The following ARMC5 variants were observed in gnomAD, a reference collection of about 807,000 sequenced individuals.
ARMC5 encodes the protein armadillo repeat-containing protein 5.
Under a neutral mutation model 60.5 loss-of-function variants are expected in ARMC5, and 28 were observed. That is an observed-to-expected ratio of 0.46 (90% CI 0.34 to 0.63). The LOEUF (loss-of-function observed/expected upper bound fraction) is 0.63, where lower values mean the gene tolerates loss of function less well. ARMC5 is among the 30% of genes least tolerant of loss of function. The pLI, the probability that ARMC5 is intolerant of heterozygous loss-of-function variation, is 0.01. For missense variants in ARMC5, 1,189 were observed against 1,304.9 expected, an observed-to-expected ratio of 0.91 and a Z score of 1.37; for synonymous variants, 680 against 607.3, an observed-to-expected ratio of 1.12 and a Z score of -1.76.
upstream of ARMC5, chr16:31,459,101 C>A: frequency 6.8e-7 from 1 of 1,480,652 alleles, no homozygotes; most frequent in Non-Finnish European, 8.9e-7. Context: ...GCCGCACCAC[C>A]GCTGGGGGGC....
At position 31,462,660 on chromosome 16, in the gene ARMC5, G is replaced by C. The variant is rs1366166804; in HGVS notation, c.1113G>C (p.Leu371Phe). 6.2e-7 allele frequency: 1 copy of C among 1,613,582 alleles called. No individual in the cohort carries two copies. Among genetic ancestry groups the C allele is most frequent in the Admixed American group, 1.7e-5 (1 of 60,010 alleles). Reference sequence around the variant, plus strand: ...CCCGACTGCGGGATGCTGGTGGCTTGGATCTACTGATGGGCCTGCTGCGGG... The same window carrying C: ...CCCGACTGCGGGATGCTGGTGGCTTCGATCTACTGATGGGCCTGCTGCGGG... Reference protein sequence around the residue: ...NRARLRDAGGLDLLMGLLRDP... With the variant: ...NRARLRDAGGFDLLMGLLRDP... Residue 371 changes from leucine (L) to phenylalanine (F), a missense_variant, in exon 3 of 6, where the codon TTG (leucine) becomes TTC (phenylalanine). Around this residue, in one of 2 missense-constraint regions of ARMC5, gnomAD observed 862 missense variants for 1,071.2 expected, o/e 0.80. Transcript: ENST00000268314. This position sits in a 1 kb window ranked among gnomAD's most constrained non-coding sequence, Gnocchi z 7.2.
Position 31,459,737 on chromosome 16 carries a change from C to A in ARMC5, c.213C>A (p.Leu71=). The change falls in exon 1 of 6, where the codon CTC becomes CTA. Residue 71 remains leucine, a synonymous_variant. Transcript: ENST00000268314. The part of the protein sequence containing the change: ...FRARGGLRPL[L]ALLRRAAAAG... Reference sequence around the variant, plus strand: ...CACGCGGCGGGCTCCGCCCCCTACTCGCGCTGCTACGGCGAGCGGCTGCAG... The same window carrying A: ...CACGCGGCGGGCTCCGCCCCCTACTAGCGCTGCTACGGCGAGCGGCTGCAG... 1.3e-6 allele frequency: 2 copies of A among 1,548,460 alleles called. No individual in the cohort carries two copies. The highest frequency in any genetic ancestry group is 1.9e-5 in the Admixed American group (1 of 51,386).
In ARMC5 at chr16:31,466,613, G is replaced by T; in HGVS notation, c.2532G>T (p.Leu844=). 6.2e-7 allele frequency: 1 copy of T among 1,604,254 alleles called. No individual in the cohort carries two copies. The highest frequency in any genetic ancestry group is 8.5e-7 in the Non-Finnish European group (1 of 1,176,074). The change falls in exon 6 of 6, where the codon CTG becomes CTT. Residue 844 remains leucine, a synonymous_variant. Transcript: ENST00000268314. This position sits in a 1 kb window ranked among gnomAD's most constrained non-coding sequence, Gnocchi z 8.0. The part of the protein sequence containing the change: ...EALEAAGRFL[L]PGLEEELEEA... ...TGGAGGCTGCTGGCCGTTTCCTACT[G>T]CCTGGGCTGGAGGAGGAGCTGGAAG...
rs565385825 is a variant in ARMC5 at position 31,464,586 on chromosome 16, C to T, written c.1563C>T (p.Arg521=). The T allele has an allele frequency of 3.8e-5, 60 of 1,585,046 alleles. No homozygotes were observed. The highest frequency in any genetic ancestry group is 4.7e-5 in the Non-Finnish European group (55 of 1,170,212). The part of the protein sequence containing the change: ...PAAAIEEPWG[R]EGPALLLLSR... ...CCGCCATCGAGGAGCCTTGGGGACG[C>T]GAAGGGCCAGCCCTGCTGCTGCTGT... Residue 521 remains arginine (R), a synonymous_variant, in exon 4 of 6, where the codon CGC becomes CGT. Coordinates refer to ENST00000268314, the MANE Select transcript of ARMC5 (RefSeq NM_001105247.2). This position sits in a 1 kb window ranked among gnomAD's most constrained non-coding sequence, Gnocchi z 7.6.
rs763319406 is a variant in ARMC5 at position 31,464,841 on chromosome 16, G to A, written c.1818G>A (p.Pro606=). Reference sequence around the variant, plus strand: ...TGGGGGTGGCGCCTGACGATTGGCCGGCACCACGTGCCCGGCCCACTCTCC... The same window carrying A: ...TGGGGGTGGCGCCTGACGATTGGCCAGCACCACGTGCCCGGCCCACTCTCC... The part of the protein sequence containing the change: ...LVLGVAPDDW[P]APRARPTLHS... The change falls in exon 4 of 6, where the codon CCG becomes CCA. Residue 606 remains proline (P), a synonymous_variant. Coordinates refer to ENST00000268314, the MANE Select transcript of ARMC5 (RefSeq NM_001105247.2). This position sits in a 1 kb window ranked among gnomAD's most constrained non-coding sequence, Gnocchi z 7.6. 11 of 1,597,414 alleles carry A rather than the reference G, an allele frequency of 6.9e-6. No homozygotes were observed. The highest frequency in any genetic ancestry group is 6.7e-5 in the Admixed American group (4 of 59,692).
rs1002622442 is a variant in ARMC5 at position 31,459,991 on chromosome 16, T to A, written c.467T>A (p.Leu156His). The change falls in exon 1 of 6, where the codon CTC becomes CAC. Residue 156 changes from leucine to histidine, a missense_variant. This residue lies in a region of ARMC5 where 327 missense variants were observed against 233.7 expected (regional missense o/e 1.40). Transcript: ENST00000268314. ...GAAGTGCGCAGACTCGGAGGCATAC[T>A]CCCTTTGGGTAAGTGCTCCGCCCCC... ...RTEVRRLGGI[L>H]PLVTILQCMK... is the part of the protein sequence containing the mutation. 2.5e-6 allele frequency: 4 copies of A among 1,596,460 alleles called. No homozygotes were observed. In the Admixed American group the frequency reaches 6.7e-5, roughly 27 times the overall value.
rs753871015 is a variant in ARMC5 at position 31,465,965 on chromosome 16, C to T, written c.1980C>T (p.Thr660=). The T allele has an allele frequency of 1.2e-6, 2 of 1,604,208 alleles. No individual in the cohort carries two copies. Among genetic ancestry groups the T allele is most frequent in the East Asian group, 2.2e-5 (1 of 44,848 alleles). The change falls in exon 5 of 6, where the codon ACC becomes ACT. Residue 660 remains threonine (T), a synonymous_variant. Coordinates refer to ENST00000268314, the MANE Select transcript of ARMC5 (RefSeq NM_001105247.2). ...SPEDRVACAL[T]LPFICRKPSL... Reference sequence around the variant, plus strand: ...AGGACCGAGTGGCCTGCGCGCTGACCCTGCCCTTCATCTGCCGGTGAGTGG... The same window carrying T: ...AGGACCGAGTGGCCTGCGCGCTGACTCTGCCCTTCATCTGCCGGTGAGTGG...
In ARMC5 at chr16:31,465,637, A is replaced by G. The variant is rs902160285; in HGVS notation, c.1865-213A>G. 4 of 1,408,572 alleles carry G rather than the reference A, an allele frequency of 2.8e-6. No homozygotes were observed. The African/African-American group carries it at 5.8e-5, about 20-fold the overall frequency. The allele number at this position is 1,408,572 out of a possible 1,614,324, so 87.3% of individuals were successfully genotyped here. On this transcript the variant is annotated intron_variant, in intron 4 of 5. Coordinates refer to ENST00000268314, the MANE Select transcript of ARMC5 (RefSeq NM_001105247.2). Reference sequence around the variant, plus strand: ...CTGGGTGGCTTGCCGCCCACACTTCAGGGGCCCAGACTTACACCCTGACTG... The same window carrying G: ...CTGGGTGGCTTGCCGCCCACACTTCGGGGGCCCAGACTTACACCCTGACTG...
rs1252675031 is a variant in ARMC5 at position 31,459,531 on chromosome 16, G to A, written c.7G>A (p.Ala3Thr). 3.1e-6 allele frequency: 5 copies of A among 1,603,574 alleles called. No individual in the cohort carries two copies. The highest frequency in any genetic ancestry group is 1.1e-5 in the South Asian group (1 of 89,576). The change falls in exon 1 of 6, where the codon GCT becomes ACT. Residue 3 changes from alanine (A) to threonine (T), a missense_variant. Around this residue, in one of 2 missense-constraint regions of ARMC5, gnomAD observed 327 missense variants for 233.7 expected, o/e 1.40. Transcript: ENST00000268314. ...GTCTGAGGCCCGAGCCAAGATGGCGGCTGCGAAGCCAACCCTCACGGACTC... is the reference window on the plus strand; with the variant it reads ...GTCTGAGGCCCGAGCCAAGATGGCGACTGCGAAGCCAACCCTCACGGACTC... MA[A>T]AKPTLTDSLS...
In ARMC5 at chr16:31,465,959, G is replaced by A. The variant is rs1446956827; in HGVS notation, c.1974G>A (p.Ala658=). ...SGSPEDRVAC[A]LTLPFICRKP... is the part of the protein sequence containing the mutation. ...GCCCTGAGGACCGAGTGGCCTGCGC[G>A]CTGACCCTGCCCTTCATCTGCCGGT... The change falls in exon 5 of 6, where the codon GCG becomes GCA. Residue 658 remains alanine, a synonymous_variant. Transcript: ENST00000268314. 5.6e-6 allele frequency: 9 copies of A among 1,604,964 alleles called. No homozygotes were observed. Among genetic ancestry groups the A allele is most frequent in the African/African-American group, 1.3e-5 (1 of 75,014 alleles).
upstream of ARMC5, chr16:31,459,027 G>A: frequency 2.6e-6 from 4 of 1,529,174 alleles, no homozygotes; most frequent in Non-Finnish European, 3.5e-6. Context: ...CCCCGTCTGC[G>A]GCGCGGTCAG....
chr16:31,466,667 C>G lies in ARMC5; in HGVS notation c.2586C>G (p.Pro862=). 6.3e-7 allele frequency: 1 copy of G among 1,578,798 alleles called. No individual in the cohort carries two copies. Among genetic ancestry groups the G allele is most frequent in the South Asian group, 1.2e-5 (1 of 86,866 alleles). ...CCGTGGGCCGCATCCACCTGGGACC[C>G]CAGGGTGGCCCGGAGTCAGTGGGTG... is the stretch of plus-strand genomic sequence containing the variant. The part of the protein sequence containing the change: ...EEAVGRIHLG[P]QGGPESVGEV... The change falls in exon 6 of 6, where the codon CCC becomes CCG. Residue 862 remains proline (P), a synonymous_variant. Transcript: ENST00000268314. This position sits in a 1 kb window ranked among gnomAD's most constrained non-coding sequence, Gnocchi z 8.0.
chr16:31,459,828 AGCCCCGCCCCCGCGTCGG>A lies in ARMC5; in HGVS notation c.316_333del (p.Ala106_Pro111del), dbSNP rs1016610213. 27 of 1,559,598 alleles carry A rather than the reference AGCCCCGCCCCCGCGTCGG, an allele frequency of 1.7e-5. No homozygotes were observed. Among genetic ancestry groups the A allele is most frequent in the South Asian group, 6.9e-5 (6 of 87,250 alleles). ...CTCGTCGGCCGCGTCGGGAGCTTCT[AGCCCCGCCCCCGCGTCGG>A]GCCCCGCCCCCTCCGCTGTGTCGTC... On this transcript the variant is annotated inframe_deletion, in exon 1 of 6. Coordinates refer to ENST00000268314, the MANE Select transcript of ARMC5 (RefSeq NM_001105247.2).
Position 31,462,886 on chromosome 16 carries a change from C to G in ARMC5, c.1339C>G (p.Arg447Gly). The G allele has an allele frequency of 6.2e-7, 1 of 1,609,242 alleles. No individual in the cohort carries two copies. The highest frequency in any genetic ancestry group is 8.5e-7 in the Non-Finnish European group (1 of 1,177,708). The part of the protein sequence containing the change: ...WDFPEERTPE[R>G]AQGGSFRSLR... The stretch of plus-strand genomic sequence containing the variant: ...CTTTCCTGAGGAGAGGACCCCTGAG[C>G]GGGCACAGGGTGGAAGCTTCCGGAG... The change falls in exon 3 of 6, where the codon CGG (arginine) becomes GGG (glycine). Residue 447 changes from arginine to glycine, a missense_variant. This residue lies in a region of ARMC5 where 862 missense variants were observed against 1,071.2 expected (regional missense o/e 0.80). Coordinates refer to ENST00000268314, the MANE Select transcript of ARMC5 (RefSeq NM_001105247.2). The surrounding 1 kb of genome is among the most constrained non-coding windows in gnomAD (Gnocchi z 7.2).
chr16:31,459,168 G>T, upstream of ARMC5: 1 of 1,511,490 alleles, frequency 6.6e-7, no homozygotes, highest in South Asian at 1.2e-5. Context: ...GCCGGGGGCG[G>T]GGCACGGCAC....
rs772079083 is a variant in ARMC5, at chr16:31,459,640, C to T, written c.116C>T (p.Pro39Leu). 6.3e-6 allele frequency: 10 copies of T among 1,592,870 alleles called. No homozygotes were observed. In the South Asian group the frequency reaches 7.7e-5, roughly 12 times the overall value. ...AAGGACCCAGCGACCAACGAGACAC[C>T]CCTGAGCCGCGCGCTCCTAGCCCTC... ...GEKDPATNETPLSRALLALRT... is the reference protein window; with the variant it reads ...GEKDPATNETLLSRALLALRT... The change falls in exon 1 of 6, where the codon CCC becomes CTC. Residue 39 changes from proline (P) to leucine (L), a missense_variant. By Grantham distance (98) the Pro-to-Leu change is moderately conservative. This residue lies in a region of ARMC5 where 327 missense variants were observed against 233.7 expected (regional missense o/e 1.40). Coordinates refer to ENST00000268314, the MANE Select transcript of ARMC5 (RefSeq NM_001105247.2).
rs1281711124 is a variant in ARMC5 at position 31,464,820 on chromosome 16, G to A, written c.1797G>A (p.Gly599=). The change falls in exon 4 of 6, where the codon GGG becomes GGA. Residue 599 remains glycine (G), a synonymous_variant. Transcript: ENST00000268314. This position sits in a 1 kb window ranked among gnomAD's most constrained non-coding sequence, Gnocchi z 7.6. ...TGCTGCGGGCCTGGCTGGTGCTGGG[G>A]GTGGCGCCTGACGATTGGCCGGCAC... The part of the protein sequence containing the change: ...AALLRAWLVL[G]VAPDDWPAPR... 1 of 1,597,256 alleles carries A rather than the reference G, an allele frequency of 6.3e-7. No individual in the cohort carries two copies. The highest frequency in any genetic ancestry group is 8.5e-7 in the Non-Finnish European group (1 of 1,178,182).
At position 31,464,736 on chromosome 16, in the gene ARMC5, AC is replaced by A; in HGVS notation, c.1714del (p.Arg572AlafsTer58). 6.3e-7 allele frequency: 1 copy of A among 1,598,942 alleles called. No individual in the cohort carries two copies. The highest frequency in any genetic ancestry group is 1.1e-5 in the South Asian group (1 of 91,028). ...PSPRALRILS[R>X]LTCNPACLEA... is the part of the protein sequence containing the mutation. ...GCCCACGTGCACTGCGCATTCTGTC[AC>A]GCCTCACCTGCAACCCTGCCTGCCT... On this transcript the variant is annotated frameshift_variant, in exon 4 of 6. Coordinates refer to ENST00000268314, the MANE Select transcript of ARMC5 (RefSeq NM_001105247.2). LOFTEE classifies it high-confidence loss of function. This position sits in a 1 kb window ranked among gnomAD's most constrained non-coding sequence, Gnocchi z 7.6.
At chr16:31,460,060 C>A in intron 1 of ARMC5, 61 bp downstream of exon 1, 1 of 1,545,494 alleles carries the variant, frequency 6.5e-7, no homozygotes, top group South Asian at 1.1e-5. Flanking sequence ...GCTCTCTAGA[C>A]CCGGGCAGTC....
Sources: allele counts gnomAD v4.1 joint callset, GRCh38; gene constraint gnomAD v4.1.1; regional missense constraint gnomAD v4.1.1; non-coding constraint Gnocchi (gnomAD v3.1); transcripts MANE v1.5; gene names NCBI Gene and HGNC (gene_info 2026-07-23, HGNC 2026-07-21).